TAPBP: variants seen among roughly 807,000 people sequenced by gnomAD.
TAPBP encodes TAP binding protein.
In TAPBP, 38 loss-of-function variants were observed where a neutral mutation model predicts 45.7. That is an observed-to-expected ratio of 0.83 (90% CI 0.64 to 1.09). TAPBP has a LOEUF of 1.09. Among genes scored for constraint, TAPBP ranks in the 50% least tolerant of loss-of-function variants. TAPBP has a pLI of 0.00. For synonymous variants in TAPBP, 226 were observed against 254.8 expected (o/e 0.89, Z 1.08); for missense variants, 513 against 587.3 (o/e 0.87, Z 1.31).
intron 3 of TAPBP, among the ~76,000 whole-genome samples, chr6:33,312,757 A>C (rs1227798575): frequency 6.6e-6 from 1 of 152,192 alleles, no homozygotes; most frequent in African/African-American, 2.4e-5. Flanking sequence ...GTGTGGGCGC[A>C]GGTGGGGATA....
intron 7 of TAPBP, chr6:33,303,665 TGTGA>T: frequency 3.0e-6 from 4 of 1,344,354 alleles, no homozygotes; most frequent in Non-Finnish European, 4.0e-6. Flanking sequence ...ATTTTTTTAA[TGTGA>T]GTACTAGAGT....
Position 33,304,004 on chromosome 6 carries a change from T to A in TAPBP, c.1301-15A>T, listed in dbSNP as rs752989371. ...CAGGTAGACAGCTGTGGGGAAAGATTGAGAAGGGATGGGATGCTGGAGTGG... is the reference window on the plus strand; with the variant it reads ...CAGGTAGACAGCTGTGGGGAAAGATAGAGAAGGGATGGGATGCTGGAGTGG... On this transcript the variant is annotated splice_polypyrimidine_tract_variant and intron_variant, in intron 6 of 7. Transcript: ENST00000434618. The A allele has an allele frequency of 1.2e-6, 2 of 1,613,486 alleles. No individual in the cohort carries two copies. Among genetic ancestry groups the A allele is most frequent in the South Asian group, 2.2e-5 (2 of 91,042 alleles).
intron 4 of TAPBP, 59 bp downstream of exon 4, chr6:33,304,930 C>G (rs778188231): frequency 1.3e-5 from 20 of 1,587,606 alleles, no homozygotes; most frequent in Non-Finnish European, 1.5e-5. Context: ...CCCCCTATTA[C>G]GGTCCCCACA....
At position 33,303,943 on chromosome 6, in the gene TAPBP, G is replaced by A. The variant is rs766663522; in HGVS notation, c.1335+12C>T. ...TGACAAGGGAAAGATACAGAGAGGT[G>A]GAGCACTGTACCTTCTTTGAATCCT... On this transcript the variant is annotated intron_variant, in intron 7 of 7. Coordinates refer to ENST00000434618, the MANE Select transcript of TAPBP (RefSeq NM_003190.5). 4 of 1,613,774 alleles carry A rather than the reference G, an allele frequency of 2.5e-6. No homozygotes were observed. The highest frequency in any genetic ancestry group is 2.2e-5 in the East Asian group (1 of 44,870).
At chr6:33,309,525 A>C (rs1164314569) in intron 3 of TAPBP, among the ~76,000 whole-genome samples, 5 of 151,782 alleles carry the variant, frequency 3.3e-5, no homozygotes, top group Non-Finnish European at 5.9e-5. Flanking sequence ...GCAACATAGC[A>C]AGACCCCATC....
Position 33,305,448 on chromosome 6 carries a change from A to C in TAPBP, c.470-61T>G. 1.4e-6 allele frequency: 2 copies of C among 1,457,146 alleles called. No homozygotes were observed. The highest frequency in any genetic ancestry group is 1.8e-6 in the Non-Finnish European group (2 of 1,099,814). The allele number at this position is 1,457,146 out of a possible 1,614,324, so 90.3% of individuals were successfully genotyped here. ...CATGAGGGAGAGAAAGAAGGAGAAA[A>C]AAATAGAGAAATGCAGTTATTGGGG... On this transcript the variant is annotated intron_variant, in intron 3 of 7. Coordinates refer to ENST00000434618, the MANE Select transcript of TAPBP (RefSeq NM_003190.5). This position sits in a 1 kb window ranked among gnomAD's most constrained non-coding sequence, Gnocchi z 4.4.
At chr6:33,304,067 G>C (rs568571603) in intron 6 of TAPBP, 61 bp downstream of exon 6, 6 of 1,610,906 alleles carry the variant, frequency 3.7e-6, no homozygotes, top group Admixed American at 1.7e-5. Flanking sequence ...TCAGGCTCTT[G>C]GGAGTAGGTG....
In TAPBP at chr6:33,304,372, G is replaced by A. The variant is rs145933787; in HGVS notation, c.1135C>T (p.Arg379Cys). Residue 379 changes from arginine (R) to cysteine (C), a missense_variant, in exon 5 of 8, where the codon CGC becomes TGC. Arg to Cys is a radical substitution (Grantham distance 180, BLOSUM62 -3). Transcript: ENST00000434618. ...GGATGGTGAATTCGACAGGCATAGCGTGCCCCATGCTGCTCAGTGGTGACT... is the reference window on the plus strand; with the variant it reads ...GGATGGTGAATTCGACAGGCATAGCATGCCCCATGCTGCTCAGTGGTGACT... ...PPVTTEQHGA[R>C]YACRIHHPSL... is the part of the protein sequence containing the mutation. The A allele has an allele frequency of 8.7e-5, 140 of 1,612,636 alleles. 1 individual carries two copies. The highest frequency in any genetic ancestry group is 1.1e-4 in the Non-Finnish European group (126 of 1,179,270).
rs764549710 is a variant in TAPBP at position 33,313,297 on chromosome 6, C to T, written c.389G>A (p.Ser130Asn). Residue 130 changes from serine (S) to asparagine (N), a missense_variant, in exon 3 of 8, where the codon AGC becomes AAC. By Grantham distance (46) the Ser-to-Asn change is conservative. Coordinates refer to ENST00000434618, the MANE Select transcript of TAPBP (RefSeq NM_003190.5). This position sits in a 1 kb window ranked among gnomAD's most constrained non-coding sequence, Gnocchi z 7.2. ...GAGGCTGGAGAGGCTGAGGACTGGG[C>T]TGGATATGCTGACCATCAGCCAAGC... Reference protein sequence around the residue: ...DGAWLMVSISSPVLSLSSLLR... With the variant: ...DGAWLMVSISNPVLSLSSLLR... 1.2e-6 allele frequency: 2 copies of T among 1,613,704 alleles called. No homozygotes were observed. Among genetic ancestry groups the T allele is most frequent in the African/African-American group, 2.7e-5 (2 of 75,048 alleles).
chr6:33,307,437 C>T (rs1769054174), intron 3 of TAPBP, among the ~76,000 whole-genome samples: 2 of 120,156 alleles, frequency 1.7e-5, no homozygotes, highest in South Asian at 2.8e-4. Flanking sequence ...GAGTTTTGCT[C>T]GTCACCTAGG....
chr6:33,312,305 G>A (rs1769403353), intron 3 of TAPBP, among the ~76,000 whole-genome samples: 1 of 152,132 alleles, frequency 6.6e-6, no homozygotes, highest in Admixed American at 6.5e-5. Flanking sequence ...CCCTGGTTCT[G>A]TGGGTAATTC....
intron 3 of TAPBP, among the ~76,000 whole-genome samples, chr6:33,308,413 G>T (rs942226685): frequency 1.6e-4 from 24 of 152,022 alleles, no homozygotes; most frequent in African/African-American, 5.8e-4. Context: ...CTGATGGTTC[G>T]CTCTCACCTA....
At chr6:33,308,998 G>C (rs1417135491) in intron 3 of TAPBP, among the ~76,000 whole-genome samples, 5 of 151,400 alleles carry the variant, frequency 3.3e-5, no homozygotes, top group Non-Finnish European at 5.9e-5. Context: ...AGGTTAAACT[G>C]TTCTCATCTT....
Position 33,305,449 on chromosome 6 carries a change from A to G in TAPBP, c.470-62T>C. The G allele has an allele frequency of 6.9e-7, 1 of 1,455,514 alleles. No individual in the cohort carries two copies. The highest frequency in any genetic ancestry group is 9.1e-7 in the Non-Finnish European group (1 of 1,098,626). The allele number at this position is 1,455,514 out of a possible 1,614,324, so 90.2% of individuals were successfully genotyped here. ...ATGAGGGAGAGAAAGAAGGAGAAAA[A>G]AATAGAGAAATGCAGTTATTGGGGA... On this transcript the variant is annotated intron_variant, in intron 3 of 7. Coordinates refer to ENST00000434618, the MANE Select transcript of TAPBP (RefSeq NM_003190.5). This position sits in a 1 kb window ranked among gnomAD's most constrained non-coding sequence, Gnocchi z 4.4.
intron 3 of TAPBP, among the ~76,000 whole-genome samples, chr6:33,309,720 C>CTTT (rs141940039): frequency 2.1e-5 from 1 of 46,806 alleles, no homozygotes; most frequent in Non-Finnish European, 3.6e-5. Context: ...GACACCCAAC[C>CTTT]TTTTTTTTTT....
Position 33,313,264 on chromosome 6 carries a change from G to C in TAPBP, c.422C>G (p.Pro141Arg), listed in dbSNP as rs572408041. 8 of 1,614,046 alleles carry C rather than the reference G, an allele frequency of 5.0e-6. No homozygotes were observed. In the African/African-American group the frequency reaches 9.3e-5, roughly 19 times the overall value. Residue 141 changes from proline (P) to arginine (R), a missense_variant, in exon 3 of 8, where the codon CCA becomes CGA. Coordinates refer to ENST00000434618, the MANE Select transcript of TAPBP (RefSeq NM_003190.5). This position sits in a 1 kb window ranked among gnomAD's most constrained non-coding sequence, Gnocchi z 7.2. ...AGGCTCCTGCTGAGGCTCTGGCTGT[G>C]GTCGCAAGAGGCTGGAGAGGCTGAG... ...PVLSLSSLLR[P>R]QPEPQQEPVL...
intron 7 of TAPBP, among the ~76,000 whole-genome samples, chr6:33,302,433 T>G (rs879717522): frequency 7.9e-5 from 12 of 151,960 alleles, no homozygotes; most frequent in Non-Finnish European, 1.2e-4. Flanking sequence ...CAAGCAATTC[T>G]CCTGCCTCAG....
chr6:33,300,476 A>G lies in TAPBP; in HGVS notation c.*1284T>C, dbSNP rs1203357892. 6.6e-6 allele frequency: 1 copy of G among 151,024 alleles called. No individual in the cohort carries two copies. Among genetic ancestry groups the G allele is most frequent in the African/African-American group, 2.4e-5 (1 of 40,930 alleles). 9.4% of individuals were successfully genotyped at this position (151,024 alleles called of 1,614,324 possible). A position where few individuals can be genotyped will look rare whatever the true frequency, so the allele number is the denominator to read the frequency against. On this transcript the variant is annotated 3_prime_UTR_variant, in exon 8 of 8. Transcript: ENST00000434618. Reference sequence around the variant, plus strand: ...GGAGATCGAGACCATCCTGGCTAACACGGTGAAACCCCGTCTCTACTAAAA... The same window carrying G: ...GGAGATCGAGACCATCCTGGCTAACGCGGTGAAACCCCGTCTCTACTAAAA...
Position 33,314,005 on chromosome 6 carries a change from C to G in TAPBP, c.37G>C (p.Gly13Arg). 2 of 1,614,012 alleles carry G rather than the reference C, an allele frequency of 1.2e-6. No individual in the cohort carries two copies. The highest frequency in any genetic ancestry group is 2.2e-5 in the South Asian group (2 of 91,082). Residue 13 changes from glycine (G) to arginine (R), a missense_variant and splice_region_variant, in exon 1 of 8, where the codon GGC (glycine) becomes CGC (arginine). Coordinates refer to ENST00000434618, the MANE Select transcript of TAPBP (RefSeq NM_003190.5). ...GCGATGAGTCGCGGGGTTCGCTCAC[C>G]CAAAGCCACAGCGAGGAGCAGAGAC... ...SLSLLLAVAL[G>R]LATAVSAGPA...
Sources: allele counts gnomAD v4.1 joint callset (sites outside exome capture counted in the v4.1 genomes callset), GRCh38; gene constraint gnomAD v4.1.1; non-coding constraint Gnocchi (gnomAD v3.1); transcripts MANE v1.5; gene names NCBI Gene and HGNC (gene_info 2026-07-23, HGNC 2026-07-21).